AHNAK: variants seen among roughly 807,000 people sequenced by gnomAD.
The protein encoded by AHNAK is AHNAK nucleoprotein.
A neutral mutation model predicts 37.8 loss-of-function variants in AHNAK; 23 were observed. The observed-to-expected ratio is 0.61, with a 90% CI of 0.44 to 0.86. The LOEUF is 0.86. Among genes scored for constraint, AHNAK ranks in the 40% least tolerant of loss-of-function variants. AHNAK has a pLI of 0.00. For missense variants in AHNAK, 7,411 were observed against 7,319.4 expected (o/e 1.01, Z -0.46); for synonymous variants, 2,481 against 2,636.3 (o/e 0.94, Z 1.80).
intron 5 of AHNAK, among the ~76,000 whole-genome samples, chr11:62,466,203 C>T (rs1039952038): frequency 6.6e-6 from 1 of 152,070 alleles, no homozygotes; most frequent in Non-Finnish European, 1.5e-5. Flanking sequence ...ACCTGTAGTC[C>T]CAGCTAGTCA....
intron 5 of AHNAK, among the ~76,000 whole-genome samples, chr11:62,454,936 T>A (rs200441311): frequency 0.012 from 1,805 of 148,276 alleles, 31 homozygotes; most frequent in African/African-American, 0.038. Flanking sequence ...ATTTATTTTT[T>A]TTTTTTTTTT....
In AHNAK at chr11:62,519,002, T is replaced by C. The variant is rs1473828614; in HGVS notation, c.15415A>G (p.Lys5139Glu). Residue 5139 changes from lysine to glutamate, a missense_variant, in exon 5 of 5, where the codon AAG (lysine) becomes GAG (glutamate). By Grantham distance (56) the Lys-to-Glu change is moderately conservative (BLOSUM62 1). Transcript: ENST00000378024. Reference protein sequence around the residue: ...IHVEGLDIKAKAPKVKMPDVD... With the variant: ...IHVEGLDIKAEAPKVKMPDVD... ...TCTGGCATCTTGACCTTGGGAGCCT[T>C]CGCCTTGATGTCAAGACCTTCGACG... The C allele has an allele frequency of 1.9e-6, 3 of 1,614,012 alleles. No homozygotes were observed. The highest frequency in any genetic ancestry group is 2.5e-6 in the Non-Finnish European group (3 of 1,180,002).
chr11:62,522,164 G>C lies in AHNAK; in HGVS notation c.12253C>G (p.Pro4085Ala). ...CCTGAGACATCAATGTCAGCTTTGGGCAAATTAACATCCACTTCTGGGCCC... is the reference window on the plus strand; with the variant it reads ...CCTGAGACATCAATGTCAGCTTTGGCCAAATTAACATCCACTTCTGGGCCC... ...GEGPEVDVNL[P>A]KADIDVSGPK... is the part of the protein sequence containing the mutation. The change falls in exon 5 of 5, where the codon CCC (proline) becomes GCC (alanine). Residue 4085 changes from proline (P) to alanine (A), a missense_variant. Pro to Ala is a conservative substitution (Grantham distance 27). Coordinates refer to ENST00000378024, the MANE Select transcript of AHNAK (RefSeq NM_001620.3). The C allele has an allele frequency of 6.2e-7, 1 of 1,613,484 alleles. No homozygotes were observed. The highest frequency in any genetic ancestry group is 8.5e-7 in the Non-Finnish European group (1 of 1,179,906).
intron 4 of AHNAK, among the ~76,000 whole-genome samples, chr11:62,500,793 G>A (rs1939698068): frequency 6.6e-6 from 1 of 152,180 alleles, no homozygotes; most frequent in Admixed American, 6.5e-5. Flanking sequence ...TGTGGACAGG[G>A]AACCAGCAGA....
Position 62,528,221 on chromosome 11 carries a change from G to A in AHNAK, c.6196C>T (p.Pro2066Ser), listed in dbSNP as rs781159005. 4 of 1,613,944 alleles carry A rather than the reference G, an allele frequency of 2.5e-6. No homozygotes were observed. Among genetic ancestry groups the A allele is most frequent in the South Asian group, 1.1e-5 (1 of 91,074 alleles). Residue 2066 changes from proline (P) to serine (S), a missense_variant, in exon 5 of 5, where the codon CCA becomes TCA. Pro to Ser is a moderately conservative substitution (Grantham distance 74). Coordinates refer to ENST00000378024, the MANE Select transcript of AHNAK (RefSeq NM_001620.3). ...TTGGGCAAGTTCACATCCACTTCTGGGCCCTCTGCTTTGAAGCCAGGCATG... is the reference window on the plus strand; with the variant it reads ...TTGGGCAAGTTCACATCCACTTCTGAGCCCTCTGCTTTGAAGCCAGGCATG... Reference protein sequence around the residue: ...FSMPGFKAEGPEVDVNLPKAD... With the variant: ...FSMPGFKAEGSEVDVNLPKAD...
In AHNAK at chr11:62,533,777, C is replaced by T. The variant is rs753233003; in HGVS notation, c.640G>A (p.Ala214Thr). 5 of 1,613,962 alleles carry T rather than the reference C, an allele frequency of 3.1e-6. No homozygotes were observed. Among genetic ancestry groups the T allele is most frequent in the Non-Finnish European group, 4.2e-6 (5 of 1,180,016 alleles). ...TVIRLPSGSG[A>T]ASPTGSAVDI... ...ACAGCAGAGCCTGTCGGAGAGGCTG[C>T]CCCCGAGCCCGAGGGCAGTCTGATC... Residue 214 changes from alanine to threonine, a missense_variant, in exon 5 of 5, where the codon GCA becomes ACA. Ala to Thr is a moderately conservative substitution (Grantham distance 58). Coordinates refer to ENST00000378024, the MANE Select transcript of AHNAK (RefSeq NM_001620.3).
rs142162593 is a variant in AHNAK at position 62,521,071 on chromosome 11, A to G, written c.13346T>C (p.Met4449Thr). The G allele has an allele frequency of 6.2e-7, 1 of 1,613,952 alleles. No homozygotes were observed. Among genetic ancestry groups the G allele is most frequent in the Non-Finnish European group, 8.5e-7 (1 of 1,180,018 alleles). The change falls in exon 5 of 5, where the codon ATG becomes ACG. Residue 4449 changes from methionine (M) to threonine (T), a missense_variant. By Grantham distance (81) the Met-to-Thr change is moderately conservative. Coordinates refer to ENST00000378024, the MANE Select transcript of AHNAK (RefSeq NM_001620.3). The stretch of plus-strand genomic sequence containing the variant: ...GGGAGCTTTGATGTTCATCTCAGGC[A>G]TCTTAAATTTGGGCCCCTTCAATTT... ...EGKLKGPKFK[M>T]PEMNIKAPKI... is the part of the protein sequence containing the mutation.
chr11:62,526,389 A>G lies in AHNAK; in HGVS notation c.8028T>C (p.Ile2676=), dbSNP rs560306256. The G allele has an allele frequency of 1.9e-6, 3 of 1,608,756 alleles. No homozygotes were observed. Among genetic ancestry groups the G allele is most frequent in the Admixed American group, 1.7e-5 (1 of 59,394 alleles). ...CTTCAATGTTAACATCAGGGCCTTC[A>G]ATGTCCACTTTGGGTCCTGAGACAT... is the stretch of plus-strand genomic sequence containing the variant. ...DIDVSGPKVD[I]EGPDVNIEGP... The change falls in exon 5 of 5, where the codon ATT becomes ATC. Residue 2676 remains isoleucine, a synonymous_variant. Coordinates refer to ENST00000378024, the MANE Select transcript of AHNAK (RefSeq NM_001620.3).
chr11:62,458,009 T>G (rs35575019), intron 5 of AHNAK, among the ~76,000 whole-genome samples: 1 of 150,364 alleles, frequency 6.7e-6, no homozygotes, highest in African/African-American at 2.4e-5. Flanking sequence ...CACCTCCCGG[T>G]TTCCAGCGAT....
Position 62,533,798 on chromosome 11 carries a change from T to C in AHNAK, c.619A>G (p.Arg207Gly). 6.2e-7 allele frequency: 1 copy of C among 1,614,194 alleles called. No homozygotes were observed. Among genetic ancestry groups the C allele is most frequent in the Non-Finnish European group, 8.5e-7 (1 of 1,180,032 alleles). ...GCTGCCCCCGAGCCCGAGGGCAGTCTGATCACGGTCTTCCCAGACTGGGTC... is the reference window on the plus strand; with the variant it reads ...GCTGCCCCCGAGCCCGAGGGCAGTCCGATCACGGTCTTCCCAGACTGGGTC... The part of the protein sequence containing the change: ...VETQSGKTVI[R>G]LPSGSGAASP... Residue 207 changes from arginine (R) to glycine (G), a missense_variant, in exon 5 of 5, where the codon AGA becomes GGA. Coordinates refer to ENST00000378024, the MANE Select transcript of AHNAK (RefSeq NM_001620.3).
At position 62,518,561 on chromosome 11, in the gene AHNAK, C is replaced by A; in HGVS notation, c.15856G>T (p.Asp5286Tyr). 1 of 1,614,196 alleles carries A rather than the reference C, an allele frequency of 6.2e-7. No homozygotes were observed. The highest frequency in any genetic ancestry group is 8.5e-7 in the Non-Finnish European group (1 of 1,180,030). ...PDVSLKGPGV[D>Y]LPSVNLSMPK... is the part of the protein sequence containing the mutation. ...ATAGAGAGGTTCACTGAAGGCAAGT[C>A]TACTCCTGGCCCCTTTAGAGAAACA... Residue 5286 changes from aspartate (D) to tyrosine (Y), a missense_variant, in exon 5 of 5, where the codon GAC becomes TAC. Physicochemically the swap from Asp to Tyr is radical, Grantham distance 160. Transcript: ENST00000378024.
chr11:62,539,254 G>A (rs1421421621), intron 1 of AHNAK, among the ~76,000 whole-genome samples: 2 of 151,462 alleles, frequency 1.3e-5, no homozygotes, highest in African/African-American at 4.9e-5. Context: ...AGGCAGGGAA[G>A]GAAAACAGAT....
intron 5 of AHNAK, among the ~76,000 whole-genome samples, chr11:62,436,811 C>T (rs1283657307): frequency 3.3e-5 from 5 of 151,882 alleles, no homozygotes; most frequent in Admixed American, 2.6e-4. Context: ...TGGTGGCGGG[C>T]GCCTGTAGTC....
At position 62,520,513 on chromosome 11, in the gene AHNAK, T is replaced by A. The variant is rs776108303; in HGVS notation, c.13904A>T (p.Asp4635Val). 1 of 1,614,152 alleles carries A rather than the reference T, an allele frequency of 6.2e-7. No individual in the cohort carries two copies. The highest frequency in any genetic ancestry group is 1.1e-5 in the South Asian group (1 of 91,088). ...PEVDIRDPKV[D>V]IDVPDVDVQG... Reference sequence around the variant, plus strand: ...AACGTCCACATCTGGGACATCAATGTCCACTTTGGGGTCCCTGATGTCAAC... The same window carrying A: ...AACGTCCACATCTGGGACATCAATGACCACTTTGGGGTCCCTGATGTCAAC... The change falls in exon 5 of 5, where the codon GAC (aspartate) becomes GTC (valine). Residue 4635 changes from aspartate to valine, a missense_variant. Coordinates refer to ENST00000378024, the MANE Select transcript of AHNAK (RefSeq NM_001620.3).
Position 62,519,471 on chromosome 11 carries a change from A to C in AHNAK, c.14946T>G (p.Phe4982Leu), listed in dbSNP as rs746033310. The C allele has an allele frequency of 3.4e-5, 55 of 1,612,714 alleles. No individual in the cohort carries two copies. The highest frequency in any genetic ancestry group is 4.3e-5 in the Non-Finnish European group (51 of 1,179,660). ...TGTCAGCTTTGGGGCTTTTTGCCCC[A>C]AATCCAAACTTGGGTTTCTTAAATT... ...IPKFKKPKFG[F>L]GAKSPKADIK... The change falls in exon 5 of 5, where the codon TTT (phenylalanine) becomes TTG (leucine). Residue 4982 changes from phenylalanine to leucine, a missense_variant. Physicochemically the swap from Phe to Leu is conservative, Grantham distance 22. Transcript: ENST00000378024.
At position 62,532,749 on chromosome 11, in the gene AHNAK, C is replaced by G; in HGVS notation, c.1668G>C (p.Arg556Ser). ...CGGTTTTCCCGGAAGGACTGCCAAGCCTAGGGCCTGTCAAGGTTCCCTCTA... is the reference window on the plus strand; with the variant it reads ...CGGTTTTCCCGGAAGGACTGCCAAGGCTAGGGCCTGTCAAGGTTCCCTCTA... ...PNLEGTLTGP[R>S]LGSPSGKTGT... Residue 556 changes from arginine (R) to serine (S), a missense_variant, in exon 5 of 5, where the codon AGG becomes AGC. Arg to Ser is a moderately radical substitution (Grantham distance 110). Coordinates refer to ENST00000378024, the MANE Select transcript of AHNAK (RefSeq NM_001620.3). 6.2e-7 allele frequency: 1 copy of G among 1,614,100 alleles called. No individual in the cohort carries two copies. The highest frequency in any genetic ancestry group is 8.5e-7 in the Non-Finnish European group (1 of 1,180,014).
At chr11:62,544,668 C>CGGTGGGG (rs1361839712) in intron 1 of AHNAK, among the ~76,000 whole-genome samples, 3 of 152,070 alleles carry the variant, frequency 2.0e-5, no homozygotes, top group South Asian at 2.1e-4. Context: ...ACTATCCACG[C>CGGTGGGG]GGTGGGGGGT....
At chr11:62,474,363 T>G (rs541195085) in intron 5 of AHNAK, among the ~76,000 whole-genome samples, 1 of 152,152 alleles carries the variant, frequency 6.6e-6, no homozygotes, top group African/African-American at 2.4e-5. Flanking sequence ...TTTTATATAT[T>G]TAGTAGAGAC....
At chr11:62,488,354 T>C (rs1221945333) in intron 5 of AHNAK, among the ~76,000 whole-genome samples, 1 of 150,490 alleles carries the variant, frequency 6.6e-6, no homozygotes, top group Non-Finnish European at 1.5e-5. Flanking sequence ...ATGGCCACCA[T>C]GTAAGCACTG....
Sources: gnomAD v4.1 joint callset for allele counts (sites outside exome capture counted in the v4.1 genomes callset) on GRCh38, gnomAD v4.1.1 for gene constraint, MANE v1.5 for transcripts, NCBI Gene and HGNC (gene_info 2026-07-23, HGNC 2026-07-21) for gene names.